The following CHN1 variants were observed in gnomAD, a reference collection of about 807,000 sequenced individuals.
CHN1 encodes the protein chimerin 1, also known as N-chimaerin.
CHN1 carries 37 observed loss-of-function variants against 59.5 expected under a neutral mutation model. The ratio of observed to expected loss-of-function variants is 0.62; its 90% CI spans 0.48 to 0.82. The LOEUF (loss-of-function observed/expected upper bound fraction) is 0.82. Ranked by LOEUF, CHN1 falls within the 40% of genes least tolerant of loss-of-function variation. The probability of loss-of-function intolerance (pLI) is 0.00; values close to 1 mark genes in which losing one functional copy is unlikely to be tolerated. For missense variants in CHN1, 469 were observed against 571.0 expected (o/e 0.82, Z 1.82); for synonymous variants, 206 against 200.4 (o/e 1.03, Z -0.24).
At position 174,856,604 on chromosome 2, in the gene CHN1, T is replaced by C. The variant is rs115692929; in HGVS notation, c.550-9647A>G. 6.5e-3 allele frequency among the ~76,000 whole-genome samples: 990 copies of C among 152,288 alleles called. 8 individuals carry two copies. The highest frequency in any genetic ancestry group is 0.037 in the South Asian group (178 of 4,820). On this transcript the variant is annotated intron_variant, in intron 6 of 12. Coordinates refer to ENST00000409900, the MANE Select transcript of CHN1 (RefSeq NM_001822.7). Reference sequence around the variant, plus strand: ...AAGCACCAGCTGTGAAGGGAGCTTTTTCACACTACGTGAAGAACACTATGC... The same window carrying C: ...AAGCACCAGCTGTGAAGGGAGCTTTCTCACACTACGTGAAGAACACTATGC...
Position 174,812,421 on chromosome 2 carries a change from G to C in CHN1, c.774C>G (p.Asp258Glu), listed in dbSNP as rs1464140200. Residue 258 changes from aspartate (D) to glutamate (E), a missense_variant, in exon 9 of 13, where the codon GAC (aspartate) becomes GAG (glutamate). Coordinates refer to ENST00000409900, the MANE Select transcript of CHN1 (RefSeq NM_001822.7). ...SKMVPNDCKP[D>E]LKHVKKVYSC... ...TGTACACCTTTTTGACATGCTTCAA[G>C]TCTGGCTTACAGTCATTTGGGACCA... 6.2e-7 allele frequency: 1 copy of C among 1,613,980 alleles called. No homozygotes were observed.
chr2:174,874,959 C>T (rs918264574), intron 6 of CHN1, among the ~76,000 whole-genome samples: 3 of 150,324 alleles, frequency 2.0e-5, no homozygotes, highest in East Asian at 3.9e-4. Flanking sequence ...TTGCAACCTC[C>T]GCCTCCTGGG....
intron 7 of CHN1, among the ~76,000 whole-genome samples, chr2:174,833,715 T>A (rs183024441): frequency 6.6e-6 from 1 of 152,350 alleles, no homozygotes; most frequent in African/African-American, 2.4e-5. Context: ...AACTGCATAT[T>A]TCTTATGACT....
At chr2:174,910,147 T>C (rs772245488) in intron 5 of CHN1, among the ~76,000 whole-genome samples, 1 of 152,248 alleles carries the variant, frequency 6.6e-6, no homozygotes, top group Non-Finnish European at 1.5e-5. Context: ...TAGAAAGTGT[T>C]CCTGTTTAAG....
At chr2:174,984,088 GAATTT>G (rs904217583) in intron 1 of CHN1, among the ~76,000 whole-genome samples, 1 of 150,000 alleles carries the variant, frequency 6.7e-6, no homozygotes, top group Non-Finnish European at 1.5e-5. Flanking sequence ...AAATTTCTTA[GAATTT>G]AATTCTGGAA....
chr2:174,957,022 C>G (rs1690229880), intron 1 of CHN1, among the ~76,000 whole-genome samples: 2 of 152,084 alleles, frequency 1.3e-5, no homozygotes, highest in Non-Finnish European at 1.5e-5. Context: ...ATATGTGTAT[C>G]TCTTTAAAGA....
At chr2:174,822,965 G>A (rs1685551113) in intron 8 of CHN1, among the ~76,000 whole-genome samples, 1 of 152,172 alleles carries the variant, frequency 6.6e-6, no homozygotes, top group Non-Finnish European at 1.5e-5. Flanking sequence ...ATATATGCCT[G>A]GAACCTTATT....
chr2:174,911,330 C>T (rs1213461222), intron 5 of CHN1, among the ~76,000 whole-genome samples: 2 of 152,150 alleles, frequency 1.3e-5, no homozygotes, highest in Non-Finnish European at 2.9e-5. Context: ...TAAACTACAA[C>T]GAATACAAAT....
chr2:175,002,353 A>G (rs1306400664), intron 1 of CHN1, among the ~76,000 whole-genome samples: 4 of 152,260 alleles, frequency 2.6e-5, no homozygotes, highest in African/African-American at 9.6e-5. Context: ...ACTAATATGC[A>G]TTAAAAATAT....
intron 1 of CHN1, among the ~76,000 whole-genome samples, chr2:174,993,326 G>C (rs957722516): frequency 1.3e-4 from 16 of 121,414 alleles, no homozygotes; most frequent in Admixed American, 2.8e-4. Flanking sequence ...TATCACAATA[G>C]TCTGGACAAC....
At chr2:174,971,755 G>A (rs1193100164) in intron 1 of CHN1, among the ~76,000 whole-genome samples, 1 of 152,196 alleles carries the variant, frequency 6.6e-6, no homozygotes, top group Non-Finnish European at 1.5e-5. Flanking sequence ...AAGATCATGT[G>A]CCTCCAGATC....
In CHN1 at chr2:174,952,155, T is replaced by C; in HGVS notation, c.58+9A>G. On this transcript the variant is annotated intron_variant, in intron 2 of 12. Coordinates refer to ENST00000409900, the MANE Select transcript of CHN1 (RefSeq NM_001822.7). The stretch of plus-strand genomic sequence containing the variant: ...GCACTATAACCCACACAATTATTTG[T>C]AGACTTACAGTAAGATTTCCAAACA... 7.0e-7 allele frequency: 1 copy of C among 1,427,740 alleles called. No homozygotes were observed. The highest frequency in any genetic ancestry group is 9.3e-7 in the Non-Finnish European group (1 of 1,080,814). The allele number at this position is 1,427,740 out of a possible 1,614,324, so 88.4% of individuals were successfully genotyped here.
intron 8 of CHN1, among the ~76,000 whole-genome samples, chr2:174,821,978 C>CT (rs1685514984): frequency 6.6e-6 from 1 of 152,184 alleles, no homozygotes; most frequent in African/African-American, 2.4e-5. Flanking sequence ...CTTATCACAG[C>CT]TAGTGTGCAC....
At chr2:174,884,595 A>C (rs1479162187) in intron 5 of CHN1, among the ~76,000 whole-genome samples, 2 of 152,254 alleles carry the variant, frequency 1.3e-5, no homozygotes, top group Non-Finnish European at 2.9e-5. Flanking sequence ...TACAACATAT[A>C]AATCCTACTC....
At chr2:174,937,305 G>A (rs1271222186) in intron 3 of CHN1, among the ~76,000 whole-genome samples, 1 of 152,092 alleles carries the variant, frequency 6.6e-6, no homozygotes, top group East Asian at 1.9e-4. Flanking sequence ...CTTTGAGCCT[G>A]GCATAGTTAC....
intron 1 of CHN1, among the ~76,000 whole-genome samples, chr2:174,962,281 T>C (rs1690436319): frequency 6.6e-6 from 1 of 151,986 alleles, no homozygotes; most frequent in African/African-American, 2.4e-5. Flanking sequence ...CAAGACTCTG[T>C]CTCAAAAACA....
intron 3 of CHN1, among the ~76,000 whole-genome samples, chr2:174,919,775 T>A (rs528173896): frequency 4.6e-5 from 7 of 152,180 alleles, no homozygotes; most frequent in African/African-American, 1.7e-4. Flanking sequence ...TTTTTTTTTT[T>A]TGTGGTTAGA....
intron 5 of CHN1, among the ~76,000 whole-genome samples, chr2:174,911,940 C>G (rs558245542): frequency 3.3e-5 from 5 of 152,264 alleles, no homozygotes; most frequent in African/African-American, 1.2e-4. Context: ...AGTTACTTAA[C>G]TAGTCCAGAA....
intron 1 of CHN1, among the ~76,000 whole-genome samples, chr2:174,959,482 T>C (rs772558648): frequency 1.8e-4 from 28 of 152,306 alleles, no homozygotes; most frequent in Non-Finnish European, 3.7e-4. Context: ...TCTCTTGATA[T>C]GCAGAATTAG....
Sources: allele counts gnomAD v4.1 joint callset (sites outside exome capture counted in the v4.1 genomes callset), GRCh38; gene constraint gnomAD v4.1.1; transcripts MANE v1.5; gene names NCBI Gene and HGNC (gene_info 2026-07-23, HGNC 2026-07-21).